Variants in WDR33 observed in about 807,000 individuals in gnomAD.
The protein encoded by WDR33 is pre-mRNA 3' end processing protein WDR33.
In WDR33, 47 loss-of-function variants were observed where a neutral mutation model predicts 164.9. The ratio of observed to expected loss-of-function variants is 0.29; its 90% CI spans 0.23 to 0.36. The LOEUF (loss-of-function observed/expected upper bound fraction) is 0.36, where lower values mean the gene tolerates loss of function less well. WDR33 is among the 10% of genes least tolerant of loss of function. The pLI is 1.00. For missense variants in WDR33, 1,137 were observed against 1,754.1 expected, an observed-to-expected ratio of 0.65 and a Z score of 6.28; for synonymous variants, 505 against 589.0, an observed-to-expected ratio of 0.86 and a Z score of 2.06.
chr2:127,709,934 G>C lies in WDR33; in HGVS notation c.3309-78C>G. 6.6e-7 allele frequency: 1 copy of C among 1,512,512 alleles called. No individual in the cohort carries two copies. Among genetic ancestry groups the C allele is most frequent in the South Asian group, 1.2e-5 (1 of 80,598 alleles). The allele number at this position is 1,512,512 out of a possible 1,614,324, so 93.7% of individuals were successfully genotyped here. ...AAGTTCATGTTTCAAAGAAGCATAT[G>C]ATATGAGAAAGCATGATACAATGTT... is the stretch of plus-strand genomic sequence containing the variant. On this transcript the variant is annotated intron_variant, in intron 18 of 21. Transcript: ENST00000322313. The surrounding 1 kb of genome is among the most constrained non-coding windows in gnomAD (Gnocchi z 5.0).
intron 1 of WDR33, among the ~76,000 whole-genome samples, chr2:127,805,357 C>A (rs1689398345): frequency 6.6e-6 from 1 of 151,960 alleles, no homozygotes; most frequent in Non-Finnish European, 1.5e-5. Flanking sequence ...GCTGGGATTA[C>A]AGACATGAGC....
chr2:127,727,072 T>C (rs1048970955), intron 7 of WDR33, among the ~76,000 whole-genome samples: 8 of 152,140 alleles, frequency 5.3e-5, no homozygotes, highest in African/African-American at 1.9e-4. Context: ...AAGACCCCAT[T>C]ATGTAAAGAT....
chr2:127,800,820 A>G (rs1470990949), intron 1 of WDR33, among the ~76,000 whole-genome samples: 1 of 152,204 alleles, frequency 6.6e-6, no homozygotes, highest in Non-Finnish European at 1.5e-5. Flanking sequence ...AAAGCTATTT[A>G]AGACAGAAAT....
At chr2:127,761,402 G>A (rs1687672149) in intron 7 of WDR33, among the ~76,000 whole-genome samples, 1 of 151,972 alleles carries the variant, frequency 6.6e-6, no homozygotes, top group African/African-American at 2.4e-5. Context: ...GAGTTTCATG[G>A]TGTTAGCCAG....
chr2:127,711,781 T>TATATATATATATATATATATA (rs1491108798), intron 18 of WDR33, among the ~76,000 whole-genome samples: 26 of 93,974 alleles, frequency 2.8e-4, no homozygotes, highest in African/African-American at 9.2e-4. Flanking sequence ...TATATATATA[T>TATATATATATATATATATATA]TTTTTTTTTG....
At chr2:127,789,603 A>T (rs2105477578) in intron 1 of WDR33, among the ~76,000 whole-genome samples, 1 of 151,186 alleles carries the variant, frequency 6.6e-6, no homozygotes, top group Non-Finnish European at 1.5e-5. Context: ...AGGCAGGAGA[A>T]TCAGGCAGGG....
chr2:127,805,972 G>C (rs1365118384), intron 1 of WDR33, among the ~76,000 whole-genome samples: 2 of 150,708 alleles, frequency 1.3e-5, no homozygotes, highest in African/African-American at 4.9e-5. Context: ...AAAACCGCAG[G>C]TGTGGTGGCT....
At position 127,779,404 on chromosome 2, in the gene WDR33, T is replaced by G. The variant is rs538111920; in HGVS notation, c.-23-8400A>C. 4.6e-5 allele frequency among the ~76,000 whole-genome samples: 7 copies of G among 152,072 alleles called. No homozygotes were observed. The South Asian group carries it at 1.2e-3, about 27-fold the overall frequency. On this transcript the variant is annotated intron_variant, in intron 1 of 21. Transcript: ENST00000322313. ...TAGCTTGAAACTCAGAGGCAGAGGT[T>G]GCAGGGAGCCAAGATCACGACACTG...
chr2:127,702,124 C>T lies in WDR33; in HGVS notation c.*4199G>A. 4.9e-6 allele frequency: 6 copies of T among 1,219,122 alleles called. No individual in the cohort carries two copies. The highest frequency in any genetic ancestry group is 6.7e-5 in the East Asian group (2 of 29,946). The allele number at this position is 1,219,122 out of a possible 1,614,324, so 75.5% of individuals were successfully genotyped here. ...GGCGGCGGCACCGCGCTGCGCCTCG[C>T]ACTGGGTCGCCTGGGCCGCGGCGCC... On this transcript the variant is annotated 3_prime_UTR_variant, in exon 22 of 22. Coordinates refer to ENST00000322313, the MANE Select transcript of WDR33 (RefSeq NM_018383.5).
In WDR33 at chr2:127,713,973, C is replaced by G. The variant is rs1686241956; in HGVS notation, c.2918G>C (p.Arg973Thr). Residue 973 changes from arginine to threonine, a missense_variant, in exon 18 of 22, where the codon AGG becomes ACG. Transcript: ENST00000322313. The surrounding 1 kb of genome is among the most constrained non-coding windows in gnomAD (Gnocchi z 6.2). ...PNHHMGPMSE[R>T]RHEQSGGPEH... ...AGGCCCGCCGCTCTGCTCATGCCGC[C>G]TCTCTGACATCGGGCCCATGTGATG... 6.4e-7 allele frequency: 1 copy of G among 1,557,606 alleles called. No individual in the cohort carries two copies. The highest frequency in any genetic ancestry group is 8.7e-7 in the Non-Finnish European group (1 of 1,153,874).
intron 1 of WDR33, among the ~76,000 whole-genome samples, chr2:127,776,036 C>T (rs1573443514): frequency 6.6e-6 from 1 of 152,208 alleles, no homozygotes; most frequent in Non-Finnish European, 1.5e-5. Context: ...ACAGTCTTGG[C>T]CGCTGTTAGG....
chr2:127,727,363 C>A (rs1335958894), intron 7 of WDR33, among the ~76,000 whole-genome samples: 2 of 152,162 alleles, frequency 1.3e-5, no homozygotes, highest in Admixed American at 1.3e-4. Flanking sequence ...TAACAGCTAT[C>A]CTACTGCAGG....
In WDR33 at chr2:127,702,018, C is replaced by T. The variant is rs889011553; in HGVS notation, c.*4305G>A. On this transcript the variant is annotated 3_prime_UTR_variant, in exon 22 of 22. Transcript: ENST00000322313. ...CACGCTGTTCGCCGCGCTGGGCCTTCGCAGCACGCTGCTCACGGTGCTGGG... is the reference window on the plus strand; with the variant it reads ...CACGCTGTTCGCCGCGCTGGGCCTTTGCAGCACGCTGCTCACGGTGCTGGG... The T allele has an allele frequency of 4.6e-6, 6 of 1,298,250 alleles. No homozygotes were observed. In the African/African-American group the frequency reaches 4.7e-5, roughly 10 times the overall value. 80.4% of individuals were successfully genotyped at this position (1,298,250 alleles called of 1,614,324 possible). A position where few individuals can be genotyped will look rare whatever the true frequency, so the allele number is the denominator to read the frequency against.
In WDR33 at chr2:127,730,026, A is replaced by G. The variant is rs145968038; in HGVS notation, c.725-3249T>C. ...GTCTGAAAGAATACAAAAGAATCTG[A>G]TAACATCAACTGGCTCCAAGAACTA... On this transcript the variant is annotated intron_variant, in intron 7 of 21. Transcript: ENST00000322313. Among the ~76,000 whole-genome samples the G allele has an allele frequency of 2.5e-3, 387 of 152,348 alleles. 1 individual carries two copies. The highest frequency in any genetic ancestry group is 8.6e-3 in the African/African-American group (356 of 41,582).
At chr2:127,759,275 TA>T (rs1422061327) in intron 7 of WDR33, among the ~76,000 whole-genome samples, 1 of 152,206 alleles carries the variant, frequency 6.6e-6, no homozygotes, top group South Asian at 2.1e-4. Flanking sequence ...GACTTTTGTA[TA>T]ACAAATCCAC....
rs957400753 is a variant in WDR33, at chr2:127,763,510, T to A, written c.627-351A>T. The stretch of plus-strand genomic sequence containing the variant: ...TAAATGGATTCTATTTTTGCAGTAT[T>A]CCTGCAGTCTTTTAAATCACACACG... On this transcript the variant is annotated intron_variant, in intron 6 of 21. Transcript: ENST00000322313. This position sits in a 1 kb window ranked among gnomAD's most constrained non-coding sequence, Gnocchi z 4.5. 2 of 1,058,374 alleles carry A rather than the reference T, an allele frequency of 1.9e-6. No individual in the cohort carries two copies. The highest frequency in any genetic ancestry group is 3.4e-5 in the African/African-American group (2 of 59,380). The allele number at this position is 1,058,374 out of a possible 1,614,324, so 65.6% of individuals were successfully genotyped here. A position where few individuals can be genotyped will look rare whatever the true frequency, so the allele number is the denominator to read the frequency against.
At chr2:127,760,011 C>T (rs1687631147) in intron 7 of WDR33, among the ~76,000 whole-genome samples, 1 of 152,150 alleles carries the variant, frequency 6.6e-6, no homozygotes, top group Admixed American at 6.6e-5. Flanking sequence ...AACGGCCTGC[C>T]ATGTGAATTA....
rs1184953640 is a variant in WDR33, at chr2:127,719,683, G to A, written c.2342C>T (p.Pro781Leu). 10 of 1,613,618 alleles carry A rather than the reference G, an allele frequency of 6.2e-6. No individual in the cohort carries two copies. The highest frequency in any genetic ancestry group is 8.5e-6 in the Non-Finnish European group (10 of 1,179,888). The change falls in exon 16 of 22, where the codon CCA becomes CTA. Residue 781 changes from proline (P) to leucine (L), a missense_variant. Physicochemically the swap from Pro to Leu is moderately conservative, Grantham distance 98. Coordinates refer to ENST00000322313, the MANE Select transcript of WDR33 (RefSeq NM_018383.5). This position sits in a 1 kb window ranked among gnomAD's most constrained non-coding sequence, Gnocchi z 6.5. The stretch of plus-strand genomic sequence containing the variant: ...GCCTGGAGGCCCCTGCATTCCTCTT[G>A]GATTCAATCCCATCAGAGGTCCCTG... ...VSQGPLMGLN[P>L]RGMQGPPGPR...
intron 7 of WDR33, among the ~76,000 whole-genome samples, chr2:127,746,460 C>T (rs375817722): frequency 6.6e-6 from 1 of 152,160 alleles, no homozygotes; most frequent in African/African-American, 2.4e-5. Flanking sequence ...TGTCTTTTAG[C>T]ATCTTTCCTT....
Sources: gnomAD v4.1 joint callset for allele counts (sites outside exome capture counted in the v4.1 genomes callset) on GRCh38, gnomAD v4.1.1 for gene constraint, Gnocchi (gnomAD v3.1) non-coding constraint, MANE v1.5 for transcripts, NCBI Gene and HGNC (gene_info 2026-07-23, HGNC 2026-07-21) for gene names.